KLRG1: variants seen among roughly 807,000 people sequenced by gnomAD.
KLRG1 encodes the protein killer cell lectin-like receptor subfamily G member 1.
Under a neutral mutation model 21.8 loss-of-function variants are expected in KLRG1, and 16 were observed. The ratio of observed to expected loss-of-function variants is 0.73; its 90% CI spans 0.50 to 1.11. The LOEUF is 1.11. Among genes scored for constraint, KLRG1 ranks in the 50% most tolerant of loss-of-function variants. The pLI, the probability that KLRG1 is intolerant of heterozygous loss-of-function variation, is 0.00. For missense variants in KLRG1, 173 were observed against 218.3 expected (o/e 0.79, Z 1.31); for synonymous variants, 69 against 75.9 (o/e 0.91, Z 0.47).
chr12:9,068,657 T>C, the KLRG1 span: 15 of 1,113,864 alleles, frequency 1.3e-5, no homozygotes, highest in Non-Finnish European at 2.0e-5. Context: ...CTTAATGTAA[T>C]AAATAACCCC....
At chr12:9,029,069 A>G in the KLRG1 span, 1 of 509,098 alleles carries the variant, frequency 2.0e-6, no homozygotes, top group Non-Finnish European at 3.7e-6. Flanking sequence ...CAGGCTCTTT[A>G]GGAGACTCAG....
chr12:9,175,298 T>C, the KLRG1 span, among the ~76,000 whole-genome samples: 1 of 152,108 alleles, frequency 6.6e-6, no homozygotes, highest in African/African-American at 2.4e-5. Flanking sequence ...TTTCACCATA[T>C]ACAAAAATTA....
chr12:9,114,246 A>G, the KLRG1 span, among the ~76,000 whole-genome samples: 1 of 152,230 alleles, frequency 6.6e-6, no homozygotes, highest in African/African-American at 2.4e-5. Flanking sequence ...TGCAGTACAG[A>G]AACTTTCTCA....
intron 1 of KLRG1, among the ~76,000 whole-genome samples, chr12:8,954,114 G>T (rs144707864): frequency 1.3e-5 from 2 of 152,034 alleles, no homozygotes. Context: ...AAGATGTTCC[G>T]ATTTTATCTT....
chr12:9,105,343 A>G, the KLRG1 span, among the ~76,000 whole-genome samples: 1 of 152,226 alleles, frequency 6.6e-6, no homozygotes, highest in Non-Finnish European at 1.5e-5. Context: ...AATAAAATGT[A>G]CTTACAAAGT....
chr12:9,100,513 A>T, the KLRG1 span, among the ~76,000 whole-genome samples: 1 of 152,122 alleles, frequency 6.6e-6, no homozygotes. Flanking sequence ...TCCTGACCTC[A>T]AGAGATCCTC....
chr12:9,149,141 T>C, the KLRG1 span: 1 of 712,380 alleles, frequency 1.4e-6, no homozygotes, highest in East Asian at 2.5e-5. Context: ...TGCCATGTGG[T>C]CTGTCATGAC....
intron 2 of KLRG1, among the ~76,000 whole-genome samples, chr12:8,993,081 AT>A (rs35555710): frequency 2.3e-3 from 296 of 129,012 alleles, no homozygotes; most frequent in African/African-American, 6.1e-3. Context: ...AACATTCTGA[AT>A]TTTTTTTTTT....
chr12:9,182,370 C>G, the KLRG1 span, among the ~76,000 whole-genome samples: 2 of 152,128 alleles, frequency 1.3e-5, no homozygotes, highest in Non-Finnish European at 2.9e-5. Context: ...TGATATTCCA[C>G]TTAACTGTTG....
At chr12:9,208,360 G>C in the KLRG1 span, 3 of 1,602,560 alleles carry the variant, frequency 1.9e-6, no homozygotes, top group Non-Finnish European at 1.7e-6. Flanking sequence ...ATAAATCTCA[G>C]GGTTGTGTCC....
At chr12:9,116,106 T>C in the KLRG1 span, 1 of 451,068 alleles carries the variant, frequency 2.2e-6, no homozygotes, top group Non-Finnish European at 4.1e-6. Flanking sequence ...AAAACTACAT[T>C]CCCATTCCCG....
upstream of KLRG1, among the ~76,000 whole-genome samples, chr12:8,988,782 A>T (rs1471231052): frequency 1.3e-5 from 2 of 152,058 alleles, no homozygotes; most frequent in Non-Finnish European, 2.9e-5. Flanking sequence ...GGGTTTCACC[A>T]TGTTGGCCAG....
chr12:9,079,687 G>T, the KLRG1 span: 1 of 1,613,700 alleles, frequency 6.2e-7, no homozygotes, highest in East Asian at 2.2e-5. Flanking sequence ...GGAGTAAGCT[G>T]CTGTGTTTCA....
At chr12:8,967,217 G>A (rs1946489965) in intron 1 of KLRG1, among the ~76,000 whole-genome samples, 1 of 150,130 alleles carries the variant, frequency 6.7e-6, no homozygotes, top group African/African-American at 2.5e-5. Flanking sequence ...GATAGCATTA[G>A]GAGATATACC....
chr12:9,049,321 C>T, the KLRG1 span, among the ~76,000 whole-genome samples: 5 of 152,070 alleles, frequency 3.3e-5, no homozygotes, highest in African/African-American at 7.2e-5. Context: ...AGACAGATGC[C>T]GGTGGCGGAG....
the KLRG1 span, among the ~76,000 whole-genome samples, chr12:9,054,503 C>T: frequency 6.6e-6 from 1 of 152,068 alleles, no homozygotes. Context: ...TACAAGCATA[C>T]AACGTGTAAT....
the KLRG1 span, among the ~76,000 whole-genome samples, chr12:9,050,030 T>C: frequency 6.6e-6 from 1 of 152,150 alleles, no homozygotes; most frequent in East Asian, 1.9e-4. Context: ...TGCCACCTAG[T>C]GTCAATTATT....
chr12:9,152,396 C>G, the KLRG1 span: 1 of 984,790 alleles, frequency 1.0e-6, no homozygotes, highest in South Asian at 1.3e-5. Context: ...TTAAGCCTGT[C>G]TGTCTTCAAG....
the KLRG1 span, among the ~76,000 whole-genome samples, chr12:9,041,378 T>C: frequency 6.6e-6 from 1 of 152,164 alleles, no homozygotes; most frequent in South Asian, 2.1e-4. Flanking sequence ...TTGGTTGATA[T>C]GTAATTGATG....
Sources: gnomAD v4.1 joint callset for allele counts (sites outside exome capture counted in the v4.1 genomes callset) on GRCh38, gnomAD v4.1.1 for gene constraint, MANE v1.5 for transcripts, NCBI Gene and HGNC (gene_info 2026-07-23, HGNC 2026-07-21) for gene names.